Variants in GLIS3 observed in about 807,000 individuals in gnomAD.
GLIS3 encodes zinc finger protein GLIS3.
A neutral mutation model predicts 78.6 loss-of-function variants in GLIS3; 53 were observed. The ratio of observed to expected loss-of-function variants is 0.67; its 90% CI spans 0.54 to 0.85. The LOEUF (loss-of-function observed/expected upper bound fraction) is 0.85, where lower values mean the gene tolerates loss of function less well. Ranked by LOEUF, GLIS3 falls within the 40% of genes least tolerant of loss-of-function variation. The probability of loss-of-function intolerance (pLI) is 0.00; values close to 1 mark genes in which losing one functional copy is unlikely to be tolerated. For synonymous variants in GLIS3, 684 were observed against 509.9 expected, an observed-to-expected ratio of 1.34 and a Z score of -4.60; for missense variants, 1,703 against 1,231.1, an observed-to-expected ratio of 1.38 and a Z score of -5.74.
chr9:4,232,110 A>C (rs1822304464), intron 2 of GLIS3, among the ~76,000 whole-genome samples: 1 of 152,336 alleles, frequency 6.6e-6, no homozygotes, highest in South Asian at 2.1e-4. Flanking sequence ...GGGCATGGAG[A>C]CGCACACCTG....
chr9:4,283,237 G>C (rs891837209), intron 2 of GLIS3, among the ~76,000 whole-genome samples: 23 of 151,376 alleles, frequency 1.5e-4, no homozygotes, highest in African/African-American at 5.6e-4. Flanking sequence ...ATCCCTACCG[G>C]AGTCCTTACT....
chr9:4,455,897 G>C, the GLIS3 span, among the ~76,000 whole-genome samples: 8 of 152,156 alleles, frequency 5.3e-5, no homozygotes, highest in Non-Finnish European at 8.8e-5. Context: ...TGAATTGCTT[G>C]AAATTAGGAG....
chr9:4,179,569 C>G (rs900094541), intron 2 of GLIS3, among the ~76,000 whole-genome samples: 31 of 152,150 alleles, frequency 2.0e-4, no homozygotes, highest in African/African-American at 7.5e-4. Context: ...AGGACACACT[C>G]TCCCATAGAC....
At chr9:4,322,884 T>G (rs1174945240) in intron 2 of GLIS3, among the ~76,000 whole-genome samples, 1 of 152,226 alleles carries the variant, frequency 6.6e-6, no homozygotes, top group African/African-American at 2.4e-5. Flanking sequence ...TGATGGTAGT[T>G]TCTTTTGCTG....
At chr9:4,364,635 C>G in the GLIS3 span, among the ~76,000 whole-genome samples, 4 of 149,922 alleles carry the variant, frequency 2.7e-5, no homozygotes, top group African/African-American at 9.8e-5. Flanking sequence ...AATGTTAATA[C>G]TTTAACAGTG....
the GLIS3 span, among the ~76,000 whole-genome samples, chr9:4,446,949 C>T: frequency 6.6e-6 from 1 of 152,094 alleles, no homozygotes; most frequent in Non-Finnish European, 1.5e-5. Context: ...ACACATACAC[C>T]AATTTTTGCA....
intron 2 of GLIS3, among the ~76,000 whole-genome samples, chr9:4,269,875 T>C (rs1305048608): frequency 6.6e-6 from 1 of 152,072 alleles, no homozygotes; most frequent in Admixed American, 6.6e-5. Flanking sequence ...ACAAGGTGGG[T>C]AGAAAGTGAA....
intron 2 of GLIS3, among the ~76,000 whole-genome samples, chr9:4,179,287 C>T (rs1353129491): frequency 6.6e-6 from 1 of 152,174 alleles, no homozygotes; most frequent in African/African-American, 2.4e-5. Context: ...TTCCCTGTGT[C>T]GAGGTTTGCC....
intron 4 of GLIS3, among the ~76,000 whole-genome samples, chr9:4,012,461 C>G (rs114607524): frequency 6.6e-6 from 1 of 152,080 alleles, no homozygotes; most frequent in Non-Finnish European, 1.5e-5. Context: ...ACAAAAAAAA[C>G]AGTCAATGAT....
rs993259601 is a variant in GLIS3 at position 4,162,799 on chromosome 9, G to A, written c.389-36858C>T. On this transcript the variant is annotated intron_variant, in intron 2 of 10. Coordinates refer to ENST00000381971, the MANE Select transcript of GLIS3 (RefSeq NM_001042413.2). ...CTGAACTCTGGAGGCGGAGCTTGCA[G>A]TGAGCCAAGATTTCACCACTGCACT... Among the ~76,000 whole-genome samples the A allele has an allele frequency of 4.8e-5, 7 of 145,978 alleles. No homozygotes were observed. In the South Asian group the frequency reaches 8.8e-4, roughly 18 times the overall value.
upstream of GLIS3, among the ~76,000 whole-genome samples, chr9:4,302,428 C>G (rs141344419): frequency 6.6e-6 from 1 of 152,212 alleles, no homozygotes; most frequent in African/African-American, 2.4e-5. Context: ...TGAGTACACA[C>G]TCTGTCCAAG....
chr9:4,300,505 C>T (rs542592572), upstream of GLIS3, among the ~76,000 whole-genome samples: 15 of 152,152 alleles, frequency 9.9e-5, no homozygotes, highest in Admixed American at 8.5e-4. Flanking sequence ...ATGACAGCTT[C>T]GAAACTGGAT....
chr9:4,488,614 G>A, the GLIS3 span, among the ~76,000 whole-genome samples: 1 of 151,976 alleles, frequency 6.6e-6, no homozygotes, highest in Non-Finnish European at 1.5e-5. Flanking sequence ...CCACCTCCTG[G>A]GTTCAAGTGA....
intron 2 of GLIS3, among the ~76,000 whole-genome samples, chr9:4,198,148 C>G (rs977521298): frequency 3.3e-5 from 5 of 152,024 alleles, no homozygotes; most frequent in African/African-American, 1.2e-4. Context: ...AGCAATGGCC[C>G]CTAACCAAAA....
chr9:4,033,319 T>A (rs1236714833), intron 4 of GLIS3, among the ~76,000 whole-genome samples: 1 of 152,116 alleles, frequency 6.6e-6, no homozygotes, highest in Non-Finnish European at 1.5e-5. Flanking sequence ...GGTCACCCCT[T>A]AAGGCTGCAG....
intron 2 of GLIS3, among the ~76,000 whole-genome samples, chr9:4,171,281 G>C (rs117742013): frequency 6.6e-6 from 1 of 152,164 alleles, no homozygotes; most frequent in East Asian, 1.9e-4. Flanking sequence ...AGAGAATCTA[G>C]GGAATAGCTT....
At chr9:3,983,691 T>C (rs564046455) in intron 4 of GLIS3, among the ~76,000 whole-genome samples, 1 of 152,284 alleles carries the variant, frequency 6.6e-6, no homozygotes, top group Non-Finnish European at 1.5e-5. Context: ...AGTGGCATTT[T>C]TCCCCTGCCA....
chr9:4,430,993 G>A, the GLIS3 span, among the ~76,000 whole-genome samples: 2 of 152,114 alleles, frequency 1.3e-5, no homozygotes, highest in Admixed American at 6.5e-5. Context: ...GAAGATCCTG[G>A]CACACAGAAG....
intron 4 of GLIS3, among the ~76,000 whole-genome samples, chr9:3,974,811 G>A (rs646058): frequency 0.19 from 28,827 of 152,024 alleles, 2,970 homozygotes; most frequent in African/African-American, 0.26. Flanking sequence ...TATGCAGTTC[G>A]CTCAGGCAAT....
Sources: allele counts gnomAD v4.1 joint callset (sites outside exome capture counted in the v4.1 genomes callset), GRCh38; gene constraint gnomAD v4.1.1; transcripts MANE v1.5; gene names NCBI Gene and HGNC (gene_info 2026-07-23, HGNC 2026-07-21).